Variants in NKAIN3 observed in about 807,000 individuals in gnomAD.
NKAIN3 encodes sodium/potassium transporting ATPase interacting 3, also known as sodium/potassium-transporting ATPase subunit beta-1-interacting protein 3.
A neutral mutation model predicts 30.2 loss-of-function variants in NKAIN3; 25 were observed. That is an observed-to-expected ratio of 0.83 (90% CI 0.60 to 1.16). The LOEUF (loss-of-function observed/expected upper bound fraction) is 1.16, where lower values mean the gene tolerates loss of function less well. Among genes scored for constraint, NKAIN3 ranks in the 50% most tolerant of loss-of-function variants. The probability of loss-of-function intolerance (pLI) is 0.00; values close to 1 mark genes in which losing one functional copy is unlikely to be tolerated. For missense variants in NKAIN3, 225 were observed against 254.1 expected, an observed-to-expected ratio of 0.89 and a Z score of 0.78; for synonymous variants, 91 against 89.6, an observed-to-expected ratio of 1.02 and a Z score of -0.09.
chr8:62,371,216 ATC>A (rs1563368980), intron 1 of NKAIN3, among the ~76,000 whole-genome samples: 1 of 151,606 alleles, frequency 6.6e-6, no homozygotes, highest in African/African-American at 2.4e-5. Context: ...GTTTTCTTAT[ATC>A]TCTCTCTCCA....
chr8:62,329,905 C>T (rs116582657), intron 1 of NKAIN3, among the ~76,000 whole-genome samples: 193 of 151,984 alleles, frequency 1.3e-3, no homozygotes, highest in African/African-American at 4.2e-3. Flanking sequence ...AGTGGATGAA[C>T]GATTCTTGTC....
intron 1 of NKAIN3, among the ~76,000 whole-genome samples, chr8:62,390,331 A>G (rs2095279224): frequency 6.6e-6 from 1 of 152,154 alleles, no homozygotes; most frequent in South Asian, 2.1e-4. Context: ...TTTGCTAAGG[A>G]TAATGTCTGC....
intron 1 of NKAIN3, among the ~76,000 whole-genome samples, chr8:62,552,440 C>G (rs916975378): frequency 6.6e-6 from 1 of 152,090 alleles, no homozygotes; most frequent in Admixed American, 6.6e-5. Context: ...AAAGAAAGTC[C>G]AATCTCAATG....
At chr8:62,810,220 C>A (rs1228123268) in intron 4 of NKAIN3, among the ~76,000 whole-genome samples, 3 of 152,032 alleles carry the variant, frequency 2.0e-5, no homozygotes, top group Non-Finnish European at 2.9e-5. Context: ...AAATAAATGA[C>A]TTTTGTAATA....
intron 5 of NKAIN3, among the ~76,000 whole-genome samples, chr8:62,922,646 T>C (rs1465571154): frequency 1.3e-5 from 2 of 152,170 alleles, no homozygotes; most frequent in East Asian, 3.9e-4. Flanking sequence ...ATGTGCAAAA[T>C]TGGTAAGGGT....
At chr8:62,899,559 G>T (rs1377876401) in intron 4 of NKAIN3, among the ~76,000 whole-genome samples, 1 of 152,132 alleles carries the variant, frequency 6.6e-6, no homozygotes, top group Non-Finnish European at 1.5e-5. Context: ...GAGATAGACA[G>T]TAGAAGGATG....
At chr8:62,838,010 CT>C (rs1819420810) in intron 4 of NKAIN3, among the ~76,000 whole-genome samples, 1 of 151,876 alleles carries the variant, frequency 6.6e-6, no homozygotes, top group Non-Finnish European at 1.5e-5. Flanking sequence ...AGGATAAACT[CT>C]TTTAATGCGT....
intron 1 of NKAIN3, among the ~76,000 whole-genome samples, chr8:62,279,126 C>T (rs1225589540): frequency 6.6e-6 from 1 of 152,132 alleles, no homozygotes; most frequent in Non-Finnish European, 1.5e-5. Context: ...CTCTTATGAC[C>T]AGTGATGATG....
chr8:62,688,737 GACAGACACAC>G (rs766364955), intron 3 of NKAIN3, among the ~76,000 whole-genome samples: 13 of 146,548 alleles, frequency 8.9e-5, no homozygotes, highest in East Asian at 4.0e-4. Context: ...CAGACAGACA[GACAGACACAC>G]ACACACACAC....
rs181787982 is a variant in NKAIN3, at chr8:62,735,639, C to T, written c.274-11293C>T. 4.5e-3 allele frequency among the ~76,000 whole-genome samples: 691 copies of T among 152,180 alleles called. 2 individuals carry two copies. Among genetic ancestry groups the T allele is most frequent in the Non-Finnish European group, 8.1e-3 (554 of 68,002 alleles). ...ATAATACACCTTCTGAATTCTTTTT[C>T]TGGTGATTCAGCGATTTCTTCTTGG... is the stretch of plus-strand genomic sequence containing the variant. On this transcript the variant is annotated intron_variant, in intron 3 of 6. Coordinates refer to ENST00000623646, the MANE Select transcript of NKAIN3 (RefSeq NM_001304533.3).
chr8:62,567,486 G>T (rs917607743), intron 1 of NKAIN3, among the ~76,000 whole-genome samples: 6 of 152,170 alleles, frequency 3.9e-5, no homozygotes, highest in Non-Finnish European at 8.8e-5. Flanking sequence ...GCATGTCACA[G>T]ATGAAATTAA....
intron 3 of NKAIN3, among the ~76,000 whole-genome samples, chr8:62,656,437 T>C (rs968248544): frequency 6.8e-6 from 1 of 147,484 alleles, no homozygotes; most frequent in African/African-American, 2.5e-5. Context: ...GAACCTAAAG[T>C]ATAAAAAAAT....
intron 1 of NKAIN3, among the ~76,000 whole-genome samples, chr8:62,331,123 A>C (rs1815339830): frequency 6.8e-6 from 1 of 146,318 alleles, no homozygotes; most frequent in Non-Finnish European, 1.5e-5. Flanking sequence ...ATGTATGTAT[A>C]TCCCTTCCTC....
At chr8:62,379,033 C>T (rs1817184781) in intron 1 of NKAIN3, among the ~76,000 whole-genome samples, 1 of 152,206 alleles carries the variant, frequency 6.6e-6, no homozygotes, top group Admixed American at 6.5e-5. Context: ...GATGGAGCTT[C>T]TCAAGGCTGT....
chr8:62,600,048 G>A lies in NKAIN3; in HGVS notation c.273+10254G>A, dbSNP rs561155359. Reference sequence around the variant, plus strand: ...CAAGTTTTAATACTTTTATTCCAAAGAAATTAGTCCAATCTGTCTTAATGG... The same window carrying A: ...CAAGTTTTAATACTTTTATTCCAAAAAAATTAGTCCAATCTGTCTTAATGG... On this transcript the variant is annotated intron_variant, in intron 3 of 6. Transcript: ENST00000623646. Among the ~76,000 whole-genome samples, 3 of 152,056 alleles carry A rather than the reference G, an allele frequency of 2.0e-5. No individual in the cohort carries two copies. The East Asian group carries it at 5.8e-4, about 30-fold the overall frequency.
chr8:62,658,424 AG>A (rs1812831547), intron 3 of NKAIN3, among the ~76,000 whole-genome samples: 1 of 152,152 alleles, frequency 6.6e-6, no homozygotes, highest in South Asian at 2.1e-4. Context: ...AAATTAGTTG[AG>A]GCTATCATCG....
intron 1 of NKAIN3, among the ~76,000 whole-genome samples, chr8:62,509,839 C>A (rs73267366): frequency 0.017 from 2,532 of 152,176 alleles, 76 homozygotes; most frequent in African/African-American, 0.058. Context: ...CCGTTTATGG[C>A]AAAGCACCTA....
intron 1 of NKAIN3, among the ~76,000 whole-genome samples, chr8:62,289,739 T>C (rs1179517076): frequency 2.0e-5 from 3 of 152,056 alleles, no homozygotes; most frequent in Non-Finnish European, 2.9e-5. Context: ...ATTTTTGGTT[T>C]CATATGAACT....
chr8:62,270,307 A>C (rs867178273), intron 1 of NKAIN3, among the ~76,000 whole-genome samples: 1 of 152,032 alleles, frequency 6.6e-6, no homozygotes, highest in African/African-American at 2.4e-5. Context: ...GTCATGAACT[A>C]CTTGGCTCAA....
Sources: allele counts gnomAD v4.1 joint callset (sites outside exome capture counted in the v4.1 genomes callset), GRCh38; gene constraint gnomAD v4.1.1; transcripts MANE v1.5; gene names NCBI Gene and HGNC (gene_info 2026-07-23, HGNC 2026-07-21).